Variants in DENND1A observed in about 807,000 individuals in gnomAD.
DENND1A encodes DENN domain containing 1A.
A neutral mutation model predicts 113.7 loss-of-function variants in DENND1A; 51 were observed. That is an observed-to-expected ratio of 0.45 (90% CI 0.36 to 0.57). DENND1A has a LOEUF of 0.57. Ranked by LOEUF, DENND1A falls within the 20% of genes least tolerant of loss-of-function variation. The probability of loss-of-function intolerance (pLI) is 0.00; values close to 1 mark genes in which losing one functional copy is unlikely to be tolerated. For missense variants in DENND1A, 1,258 were observed against 1,395.9 expected (o/e 0.90, Z 1.57); for synonymous variants, 565 against 570.8 (o/e 0.99, Z 0.14).
At chr9:123,483,858 G>A (rs1403836982) in intron 13 of DENND1A, among the ~76,000 whole-genome samples, 1 of 152,226 alleles carries the variant, frequency 6.6e-6, no homozygotes, top group East Asian at 1.9e-4. Context: ...AAGGCCAGAT[G>A]TGTAAGAGAG....
intron 9 of DENND1A, among the ~76,000 whole-genome samples, chr9:123,644,067 G>A (rs1317409256): frequency 6.6e-6 from 1 of 152,096 alleles, no homozygotes; most frequent in Non-Finnish European, 1.5e-5. Context: ...TTCCATCTCT[G>A]CTGCTCATCT....
chr9:123,843,566 A>G (rs548656028), intron 2 of DENND1A: 18 of 153,834 alleles, frequency 1.2e-4, no homozygotes, highest in African/African-American at 2.8e-4. Flanking sequence ...GAGAAAGACT[A>G]TGGCAGGTAT....
chr9:123,627,252 C>T (rs2061266231), intron 10 of DENND1A, among the ~76,000 whole-genome samples: 1 of 152,212 alleles, frequency 6.6e-6, no homozygotes, highest in South Asian at 2.1e-4. Context: ...GGGTCAGTGG[C>T]AAGGCCAGGG....
intron 2 of DENND1A, among the ~76,000 whole-genome samples, chr9:123,808,824 G>A (rs1333726662): frequency 1.3e-5 from 2 of 152,118 alleles, no homozygotes; most frequent in Non-Finnish European, 2.9e-5. Flanking sequence ...ATACTTCCCA[G>A]TGAAAGCTCT....
intron 2 of DENND1A, among the ~76,000 whole-genome samples, chr9:123,847,652 T>C (rs768670694): frequency 5.9e-5 from 9 of 151,938 alleles, no homozygotes; most frequent in Non-Finnish European, 1.3e-4. Flanking sequence ...ACAAAGAAAA[T>C]GGCCAGGCAC....
At chr9:123,523,356 T>A (rs1331535672) in intron 13 of DENND1A, among the ~76,000 whole-genome samples, 1 of 152,212 alleles carries the variant, frequency 6.6e-6, no homozygotes, top group African/African-American at 2.4e-5. Context: ...TGCGAGGCGG[T>A]AACTCTTATT....
At chr9:123,843,350 G>A (rs761042024) in intron 2 of DENND1A, 2 of 344,678 alleles carry the variant, frequency 5.8e-6, no homozygotes, top group Non-Finnish European at 1.2e-5. Context: ...AGCTAAAAGA[G>A]TTGGTGTTGG....
intron 8 of DENND1A, among the ~76,000 whole-genome samples, chr9:123,652,860 C>G (rs533934263): frequency 2.0e-5 from 3 of 152,224 alleles, no homozygotes; most frequent in African/African-American, 7.2e-5. Context: ...GGGCTTCAGT[C>G]TTTTAATTAG....
chr9:123,854,700 A>AC (rs1325115497), intron 2 of DENND1A, among the ~76,000 whole-genome samples: 2 of 150,722 alleles, frequency 1.3e-5, no homozygotes, highest in Non-Finnish European at 1.5e-5. Flanking sequence ...GTCTCAAAAA[A>AC]AAAATAAAAA....
chr9:123,635,253 G>C (rs2138801537), intron 9 of DENND1A, among the ~76,000 whole-genome samples: 1 of 152,328 alleles, frequency 6.6e-6, no homozygotes, highest in Non-Finnish European at 1.5e-5. Context: ...CCATGTTGGG[G>C]TTTAGACCCT....
chr9:123,822,421 T>C (rs1838630840), intron 2 of DENND1A, among the ~76,000 whole-genome samples: 1 of 152,152 alleles, frequency 6.6e-6, no homozygotes, highest in African/African-American at 2.4e-5. Flanking sequence ...AATACACAGG[T>C]TAGAAATGGA....
rs757114466 is a variant in DENND1A at position 123,583,206 on chromosome 9, G to T, written c.830C>A (p.Thr277Asn). The change falls in exon 12 of 24, where the codon ACC becomes AAC. Residue 277 changes from threonine (T) to asparagine (N), a missense_variant. This residue lies in a region of DENND1A where 1,159 missense variants were observed against 1,231.7 expected (regional missense o/e 0.94). Coordinates refer to ENST00000394215, the MANE Select transcript of DENND1A (RefSeq NM_001352964.2). ...GAGGCTCTGGAGGTCATCGAAGGGG[G>T]TTTCCAGGGTGTTGGTGTCCACATT... ...ILNVDTNTLE[T>N]PFDDLQSLPN... is the part of the protein sequence containing the mutation. 3.1e-6 allele frequency: 5 copies of T among 1,612,818 alleles called. No homozygotes were observed. Among genetic ancestry groups the T allele is most frequent in the Non-Finnish European group, 4.2e-6 (5 of 1,179,340 alleles).
chr9:123,834,535 T>G (rs930386793), intron 2 of DENND1A, among the ~76,000 whole-genome samples: 2 of 152,216 alleles, frequency 1.3e-5, no homozygotes, highest in African/African-American at 2.4e-5. Context: ...TTTAAAATTT[T>G]AAGCCTAAGG....
intron 18 of DENND1A, among the ~76,000 whole-genome samples, chr9:123,444,457 C>T (rs2047154341): frequency 6.6e-6 from 1 of 152,132 alleles, no homozygotes; most frequent in Admixed American, 6.5e-5. Context: ...AGTTTGAGAC[C>T]AGCCTGGCCA....
intron 18 of DENND1A, among the ~76,000 whole-genome samples, chr9:123,440,720 C>T (rs781199697): frequency 2.0e-5 from 3 of 152,224 alleles, no homozygotes; most frequent in Non-Finnish European, 4.4e-5. Flanking sequence ...TAATTCACAA[C>T]AGTGGGGAAA....
At chr9:123,621,808 T>C (rs934731464) in intron 10 of DENND1A, among the ~76,000 whole-genome samples, 5 of 152,240 alleles carry the variant, frequency 3.3e-5, no homozygotes, top group African/African-American at 1.2e-4. Flanking sequence ...ATGGCACCGA[T>C]GAAGACAGTG....
chr9:123,724,051 A>G (rs191438398), intron 5 of DENND1A, among the ~76,000 whole-genome samples: 376 of 152,346 alleles, frequency 2.5e-3, no homozygotes, highest in Non-Finnish European at 4.2e-3. Context: ...TTGTTAAAGA[A>G]GAACATCCAA....
At chr9:123,899,588 A>G (rs1851282248) in intron 1 of DENND1A, among the ~76,000 whole-genome samples, 1 of 152,222 alleles carries the variant, frequency 6.6e-6, no homozygotes. Context: ...ATATAAAATA[A>G]TATCTGATTT....
At chr9:123,566,678 C>T (rs2058069040) in intron 12 of DENND1A, among the ~76,000 whole-genome samples, 1 of 152,110 alleles carries the variant, frequency 6.6e-6, no homozygotes, top group Admixed American at 6.6e-5. Context: ...AGGCCTGTTT[C>T]CACTATCTGC....
Sources: gnomAD v4.1 joint callset for allele counts (sites outside exome capture counted in the v4.1 genomes callset) on GRCh38, gnomAD v4.1.1 for gene constraint, gnomAD v4.1.1 regional missense constraint, MANE v1.5 for transcripts, NCBI Gene and HGNC (gene_info 2026-07-23, HGNC 2026-07-21) for gene names.